Variants in GABRA3 observed in about 807,000 individuals in gnomAD.
GABRA3 encodes the protein gamma-aminobutyric acid receptor subunit alpha-3.
GABRA3 carries 10 observed loss-of-function variants against 30.1 expected under a neutral mutation model. The observed-to-expected ratio is 0.33, with a 90% CI of 0.20 to 0.56. The LOEUF (loss-of-function observed/expected upper bound fraction) is 0.56, where lower values mean the gene tolerates loss of function less well. Ranked by LOEUF, GABRA3 falls within the 20% of genes least tolerant of loss-of-function variation. The pLI, the probability that GABRA3 is intolerant of heterozygous loss-of-function variation, is 0.89. For synonymous variants in GABRA3, 151 were observed against 146.8 expected, an observed-to-expected ratio of 1.03 and a Z score of -0.21; for missense variants, 233 against 392.0, an observed-to-expected ratio of 0.59 and a Z score of 3.42.
chrX:152,266,688 C>T (rs1938830690), intron 4 of GABRA3, among the ~76,000 whole-genome samples: 1 of 111,392 alleles, frequency 9.0e-6, no homozygotes, highest in South Asian at 3.7e-4. Context: ...ATTGCTTGAA[C>T]ATCCTATCAT....
chrX:152,375,160 G>C (rs1429441696), intron 1 of GABRA3, among the ~76,000 whole-genome samples: 2 of 111,717 alleles, frequency 1.8e-5, no homozygotes, highest in Non-Finnish European at 3.8e-5. Flanking sequence ...CCAAAAAAGA[G>C]CCCAAATAGT....
At chrX:152,406,717 G>C (rs1048962950) in intron 1 of GABRA3, among the ~76,000 whole-genome samples, 3 of 109,576 alleles carry the variant, frequency 2.7e-5, no homozygotes, top group Admixed American at 9.8e-5. Context: ...AATCAAGAAA[G>C]AAACCTCCAA....
intron 1 of GABRA3, among the ~76,000 whole-genome samples, chrX:152,372,828 T>C (rs1928877597): frequency 8.9e-6 from 1 of 112,118 alleles, no homozygotes; most frequent in Non-Finnish European, 1.9e-5. Context: ...TAAATTGGGA[T>C]TTATATTATA....
intron 3 of GABRA3, among the ~76,000 whole-genome samples, chrX:152,285,269 T>C (rs988135726): frequency 3.6e-5 from 4 of 112,038 alleles, no homozygotes; most frequent in East Asian, 2.8e-4. Flanking sequence ...TACAATAAAA[T>C]TGAAAAAGTC....
At chrX:152,347,530 A>C (rs1478629185) in intron 2 of GABRA3, among the ~76,000 whole-genome samples, 1 of 111,775 alleles carries the variant, frequency 8.9e-6, no homozygotes, top group Non-Finnish European at 1.9e-5. Flanking sequence ...TGGATACCAC[A>C]TTCTCCATGA....
rs1046160110 is a variant in GABRA3 at position 152,232,838 on chromosome X, G to A, written c.552-7993C>T. ...TGTCTTTGTGTAGATACCCAAGAGC[G>A]AGACTACTGAAACAAATGGAGCTAC... On this transcript the variant is annotated intron_variant, in intron 5 of 9. Transcript: ENST00000370314. Among the ~76,000 whole-genome samples, 7 of 110,321 alleles carry A rather than the reference G, an allele frequency of 6.3e-5. No homozygotes were observed. The East Asian group carries it at 8.6e-4, about 14-fold the overall frequency.
intron 6 of GABRA3, among the ~76,000 whole-genome samples, chrX:152,210,554 C>G (rs982082505): frequency 8.9e-5 from 10 of 112,102 alleles, no homozygotes; most frequent in African/African-American, 3.2e-4. Context: ...TATTTGGCCT[C>G]GATTGATTGA....
At position 152,404,768 on chromosome X, in the gene GABRA3, A is replaced by G. The variant is rs951344893; in HGVS notation, c.-26-40172T>C. Among the ~76,000 whole-genome samples the G allele has an allele frequency of 2.1e-4, 16 of 74,931 alleles. No homozygotes were observed. The South Asian group carries it at 7.2e-3, about 34-fold the overall frequency. The allele number at this position is 74,931 out of a possible 115,157, so 65.1% of individuals were successfully genotyped here. On this transcript the variant is annotated intron_variant, in intron 1 of 9. Transcript: ENST00000370314. ...TATTATTATTATTATTATTATTATT[A>G]TTATTATTATTATTGGTTCTCAGTG...
chrX:152,199,132 C>CGA (rs1937432112), intron 7 of GABRA3, among the ~76,000 whole-genome samples: 1 of 110,749 alleles, frequency 9.0e-6, no homozygotes, highest in Non-Finnish European at 1.9e-5. Context: ...TTTGGGAGGC[C>CGA]AAGGCGGGCA....
chrX:152,230,781 C>T (rs1480763935), intron 5 of GABRA3, among the ~76,000 whole-genome samples: 1 of 110,507 alleles, frequency 9.0e-6, no homozygotes, highest in African/African-American at 3.3e-5. Flanking sequence ...TAGACTGTTA[C>T]CTCACACCAT....
chrX:152,179,868 A>G (rs1937122778), intron 9 of GABRA3, among the ~76,000 whole-genome samples: 2 of 111,433 alleles, frequency 1.8e-5, no homozygotes, highest in South Asian at 7.5e-4. Flanking sequence ...CTTCAGGTTC[A>G]TCCGTGCTTA....
At chrX:152,273,886 G>T (rs1044732559) in intron 4 of GABRA3, among the ~76,000 whole-genome samples, 3 of 111,343 alleles carry the variant, frequency 2.7e-5, no homozygotes, top group African/African-American at 9.8e-5. Context: ...AAGTGTATAT[G>T]TATTATTTTA....
intron 1 of GABRA3, among the ~76,000 whole-genome samples, chrX:152,380,177 T>G (rs1397114437): frequency 5.4e-5 from 6 of 111,755 alleles, no homozygotes; most frequent in African/African-American, 2.0e-4. Flanking sequence ...ACAGTTGCCC[T>G]GCTGTGCAAT....
intron 1 of GABRA3, among the ~76,000 whole-genome samples, chrX:152,443,737 A>G (rs1930995333): frequency 8.9e-6 from 1 of 111,781 alleles, no homozygotes; most frequent in African/African-American, 3.3e-5. Context: ...TTTTTATGTG[A>G]GATCATTTAG....
chrX:152,183,212 T>C (rs1603201406), intron 9 of GABRA3, among the ~76,000 whole-genome samples: 1 of 110,592 alleles, frequency 9.0e-6, no homozygotes, highest in Middle Eastern at 4.6e-3. Flanking sequence ...GATGGGAGAC[T>C]TTTTGTTACT....
chrX:152,435,311 C>T (rs903434750), intron 1 of GABRA3, among the ~76,000 whole-genome samples: 3 of 111,342 alleles, frequency 2.7e-5, no homozygotes, highest in African/African-American at 9.8e-5. Context: ...TTTATTGCGG[C>T]ACTGTTCACA....
At chrX:152,245,799 C>T (rs1938452404) in intron 5 of GABRA3, among the ~76,000 whole-genome samples, 1 of 111,477 alleles carries the variant, frequency 9.0e-6, no homozygotes, top group African/African-American at 3.3e-5. Flanking sequence ...TCCTCCAGCT[C>T]ACAGCAATCT....
intron 4 of GABRA3, among the ~76,000 whole-genome samples, chrX:152,264,604 A>T (rs1227210359): frequency 1.8e-5 from 2 of 111,609 alleles, no homozygotes; most frequent in African/African-American, 6.5e-5. Flanking sequence ...CAAAACAACT[A>T]GAAAACAAAT....
chrX:152,188,968 T>C (rs1937290032), intron 9 of GABRA3, among the ~76,000 whole-genome samples: 1 of 111,488 alleles, frequency 9.0e-6, no homozygotes, highest in South Asian at 3.7e-4. Flanking sequence ...ATTTAGTTGG[T>C]TTAATGATTT....
Sources: gnomAD v4.1 joint callset for allele counts (sites outside exome capture counted in the v4.1 genomes callset) on GRCh38, gnomAD v4.1.1 for gene constraint, MANE v1.5 for transcripts, NCBI Gene and HGNC (gene_info 2026-07-23, HGNC 2026-07-21) for gene names.